PCDHGB4: variants seen among roughly 807,000 people sequenced by gnomAD.
PCDHGB4 encodes the protein protocadherin gamma subfamily B, 4.
A neutral mutation model predicts 60.5 loss-of-function variants in PCDHGB4; 38 were observed. That is an observed-to-expected ratio of 0.63 (90% confidence interval 0.48 to 0.82). The LOEUF is 0.82. Among genes scored for constraint, PCDHGB4 ranks in the 40% least tolerant of loss-of-function variants. PCDHGB4 has a pLI of 0.00. For synonymous variants in PCDHGB4, 456 were observed against 509.7 expected (o/e 0.89, Z 1.42); for missense variants, 1,109 against 1,209.6 (o/e 0.92, Z 1.23).
At chr5:141,504,634 AG>A (rs2099839600) in intron 2 of PCDHGB4, among the ~76,000 whole-genome samples, 1 of 115,756 alleles carries the variant, frequency 8.6e-6, no homozygotes, top group Non-Finnish European at 1.7e-5. Context: ...ACCTTGGAAA[AG>A]GTTTGATGAT....
chr5:141,429,487 C>G (rs2097218311), intron 1 of PCDHGB4, among the ~76,000 whole-genome samples: 1 of 151,822 alleles, frequency 6.6e-6, no homozygotes, highest in Non-Finnish European at 1.5e-5. Flanking sequence ...GTAGCTGAGA[C>G]TACAGTTGCC....
chr5:141,486,654 T>C lies in PCDHGB4; in HGVS notation c.2398-8153T>C. ...TTGAATGCGCTTATCTCCTACTCAC[T>C]CCTGGAGCCCAGGAATCGAGATGTA... is the stretch of plus-strand genomic sequence containing the variant. On this transcript the variant is annotated intron_variant, in intron 1 of 3. Coordinates refer to ENST00000519479, the MANE Select transcript of PCDHGB4 (RefSeq NM_003736.4). The surrounding 1 kb of genome is among the most constrained non-coding windows in gnomAD (Gnocchi z 5.0). The C allele has an allele frequency of 2.5e-6, 4 of 1,613,922 alleles. No individual in the cohort carries two copies. Among genetic ancestry groups the C allele is most frequent in the Non-Finnish European group, 3.4e-6 (4 of 1,180,026 alleles).
At chr5:141,508,570 C>T (rs1164806696) in intron 3 of PCDHGB4, among the ~76,000 whole-genome samples, 21 of 152,198 alleles carry the variant, frequency 1.4e-4, no homozygotes. Context: ...GTCACTTGCA[C>T]CCACTCGGGG....
At position 141,405,049 on chromosome 5, in the gene PCDHGB4, C is replaced by T. The variant is rs190786640; in HGVS notation, c.2397+14768C>T. 223 of 1,613,936 alleles carry T rather than the reference C, an allele frequency of 1.4e-4. 1 individual carries two copies. The African/African-American group carries it at 1.9e-3, about 14-fold the overall frequency. On this transcript the variant is annotated intron_variant, in intron 1 of 3. Coordinates refer to ENST00000519479, the MANE Select transcript of PCDHGB4 (RefSeq NM_003736.4). ...TCTACCTCGTTGTGGCTGTGGCAGTCGTCTCCTGTGTCTTCCTCACCTTCG... is the reference window on the plus strand; with the variant it reads ...TCTACCTCGTTGTGGCTGTGGCAGTTGTCTCCTGTGTCTTCCTCACCTTCG...
At chr5:141,420,230 A>G (rs758649822) in intron 1 of PCDHGB4, 3 of 1,601,528 alleles carry the variant, frequency 1.9e-6, no homozygotes, top group Admixed American at 1.7e-5. Flanking sequence ...ACTGGCTAGC[A>G]TTTTAACTCC....
intron 1 of PCDHGB4, among the ~76,000 whole-genome samples, chr5:141,438,587 C>CAT (rs1372372472): frequency 1.4e-4 from 10 of 73,396 alleles, no homozygotes; most frequent in East Asian, 3.8e-4. Context: ...TACATACATA[C>CAT]ATACATATAT....
At chr5:141,453,959 C>A (rs919037104) in intron 1 of PCDHGB4, among the ~76,000 whole-genome samples, 1 of 152,182 alleles carries the variant, frequency 6.6e-6, no homozygotes, top group African/African-American at 2.4e-5. Flanking sequence ...GCACAGACAG[C>A]AAAGCATGTA....
At chr5:141,488,834 G>A (rs976460724) in intron 1 of PCDHGB4, among the ~76,000 whole-genome samples, 1 of 152,160 alleles carries the variant, frequency 6.6e-6, no homozygotes, top group Admixed American at 6.5e-5. Context: ...GCTGCCAAGG[G>A]GGCTGAATCA....
rs781367582 is a variant in PCDHGB4 at position 141,390,229 on chromosome 5, C to T, written c.2345C>T (p.Ser782Leu). ...SSGQDILCGD[S>L]SGALFPLCNS... ...GGACAAGACATACTTTGCGGTGATT[C>T]ATCTGGGGCCTTATTTCCACTTTGT... Residue 782 changes from serine to leucine, a missense_variant, in exon 1 of 4, where the codon TCA becomes TTA. This residue lies in a region of PCDHGB4 where 1,068 missense variants were observed against 1,089.9 expected (regional missense o/e 0.98). Coordinates refer to ENST00000519479, the MANE Select transcript of PCDHGB4 (RefSeq NM_003736.4). 1 of 1,614,056 alleles carries T rather than the reference C, an allele frequency of 6.2e-7. No individual in the cohort carries two copies. The highest frequency in any genetic ancestry group is 1.1e-5 in the South Asian group (1 of 91,084).
chr5:141,388,969 C>A lies in PCDHGB4; in HGVS notation c.1085C>A (p.Thr362Lys), dbSNP rs1392290138. 1 of 1,613,882 alleles carries A rather than the reference C, an allele frequency of 6.2e-7. No individual in the cohort carries two copies. Among genetic ancestry groups the A allele is most frequent in the Non-Finnish European group, 8.5e-7 (1 of 1,179,890 alleles). ...NLIMEDAELG[T>K]HIALLKVRDK... ...ATTATGGAGGACGCCGAGCTGGGAA[C>A]ACATATTGCTTTGCTCAAAGTCCGT... Residue 362 changes from threonine (T) to lysine (K), a missense_variant, in exon 1 of 4, where the codon ACA (threonine) becomes AAA (lysine). This residue lies in a region of PCDHGB4 where 1,068 missense variants were observed against 1,089.9 expected (regional missense o/e 0.98). Transcript: ENST00000519479.
At chr5:141,422,344 C>A in intron 1 of PCDHGB4, 1 of 1,550,890 alleles carries the variant, frequency 6.4e-7, no homozygotes, top group Non-Finnish European at 8.7e-7. Flanking sequence ...TCTAAATGTG[C>A]AAGATCAAGA....
intron 1 of PCDHGB4, chr5:141,411,968 T>C (rs1257112227): frequency 6.6e-6 from 1 of 152,260 alleles, no homozygotes; most frequent in Non-Finnish European, 1.5e-5. Flanking sequence ...GATAAAATCT[T>C]TGAAGAGTTC....
At chr5:141,484,916 CCTG>C (rs34524370) in intron 1 of PCDHGB4, 64,782 of 456,708 alleles carry the variant, frequency 0.14, 4,878 homozygotes, top group African/African-American at 0.18. Context: ...ACGCATTAAC[CCTG>C]CTGCTGTTGG....
At position 141,389,114 on chromosome 5, in the gene PCDHGB4, C is replaced by T; in HGVS notation, c.1230C>T (p.Arg410=). The change falls in exon 1 of 4, where the codon CGC becomes CGT. Residue 410 remains arginine, a synonymous_variant. Transcript: ENST00000519479. The stretch of plus-strand genomic sequence containing the variant: ...TAGTGACAGATGCTGTTCTAGACCG[C>T]GAGCAGAATCCAGAGTACAATATAA... ...YKLVTDAVLD[R]EQNPEYNITV... The T allele has an allele frequency of 1.2e-6, 2 of 1,614,004 alleles. No homozygotes were observed. The highest frequency in any genetic ancestry group is 1.7e-6 in the Non-Finnish European group (2 of 1,179,882).
Position 141,485,784 on chromosome 5 carries a change from A to G in PCDHGB4, c.2398-9023A>G, listed in dbSNP as rs760859851. The G allele has an allele frequency of 1.9e-6, 3 of 1,614,096 alleles. No individual in the cohort carries two copies. The African/African-American group carries it at 4.0e-5, about 22-fold the overall frequency. On this transcript the variant is annotated intron_variant, in intron 1 of 3. Transcript: ENST00000519479. This position sits in a 1 kb window ranked among gnomAD's most constrained non-coding sequence, Gnocchi z 5.7. Reference sequence around the variant, plus strand: ...CTGGAGAAGCCTTTGGATCGAGAGAAGCAATCGGACTACCGCCTGGTGCTG... The same window carrying G: ...CTGGAGAAGCCTTTGGATCGAGAGAGGCAATCGGACTACCGCCTGGTGCTG...
At position 141,489,297 on chromosome 5, in the gene PCDHGB4, G is replaced by A. The variant is rs184934961; in HGVS notation, c.2398-5510G>A. 5.1e-6 allele frequency: 8 copies of A among 1,583,774 alleles called. No homozygotes were observed. Among genetic ancestry groups the A allele is most frequent in the Non-Finnish European group, 6.9e-6 (8 of 1,164,904 alleles). ...GGAAATGGCAAGTGCTGTGCATGTT[G>A]TCCTTGTGCTGCTGGGGCTGGGTGT... is the stretch of plus-strand genomic sequence containing the variant. On this transcript the variant is annotated intron_variant, in intron 1 of 3. Coordinates refer to ENST00000519479, the MANE Select transcript of PCDHGB4 (RefSeq NM_003736.4). This position sits in a 1 kb window ranked among gnomAD's most constrained non-coding sequence, Gnocchi z 4.5.
intron 1 of PCDHGB4, among the ~76,000 whole-genome samples, chr5:141,492,435 C>T (rs191116850): frequency 8.5e-5 from 13 of 152,348 alleles, no homozygotes; most frequent in Admixed American, 8.5e-4. Context: ...CTCAGGAGTA[C>T]TCGTAGCTGA....
chr5:141,448,545 A>T lies in PCDHGB4; in HGVS notation c.2398-46262A>T, dbSNP rs537259621. On this transcript the variant is annotated intron_variant, in intron 1 of 3. Coordinates refer to ENST00000519479, the MANE Select transcript of PCDHGB4 (RefSeq NM_003736.4). ...AGCATCCTGTCAGCATTTCTTATGC[A>T]AATATGTACATATATTTTTATTTCC... 1.5e-4 allele frequency among the ~76,000 whole-genome samples: 23 copies of T among 152,334 alleles called. 1 individual carries two copies. The South Asian group carries it at 2.7e-3, about 18-fold the overall frequency.
chr5:141,399,797 G>C lies in PCDHGB4; in HGVS notation c.2397+9516G>C, dbSNP rs760211919. On this transcript the variant is annotated intron_variant, in intron 1 of 3. Coordinates refer to ENST00000519479, the MANE Select transcript of PCDHGB4 (RefSeq NM_003736.4). ...GGCGACCGAAACGACAACGCACCGC[G>C]GGTGCTGTACCCCGCGCTGGGTCCC... 4.3e-6 allele frequency: 7 copies of C among 1,613,192 alleles called. No homozygotes were observed. In the South Asian group the frequency reaches 7.7e-5, roughly 18 times the overall value.
Sources: gnomAD v4.1 joint callset for allele counts (sites outside exome capture counted in the v4.1 genomes callset) on GRCh38, gnomAD v4.1.1 for gene constraint, gnomAD v4.1.1 regional missense constraint, Gnocchi (gnomAD v3.1) non-coding constraint, MANE v1.5 for transcripts, NCBI Gene and HGNC (gene_info 2026-07-23, HGNC 2026-07-21) for gene names.